ENO3: variants seen among roughly 807,000 people sequenced by gnomAD.
ENO3 encodes beta-enolase.
Under a neutral mutation model 47.7 loss-of-function variants are expected in ENO3, and 46 were observed. That is an observed-to-expected ratio of 0.96 (90% CI 0.76 to 1.23). ENO3 has a LOEUF of 1.23. Ranked by LOEUF, ENO3 falls within the 50% of genes most tolerant of loss-of-function variation. ENO3 has a pLI of 0.00. For missense variants in ENO3, 575 were observed against 566.2 expected, an observed-to-expected ratio of 1.02 and a Z score of -0.16; for synonymous variants, 223 against 225.9, an observed-to-expected ratio of 0.99 and a Z score of 0.11.
rs762814066 is a variant in ENO3, at chr17:4,955,158, C to G, written c.528C>G (p.Ser176Arg). Residue 176 changes from serine (S) to arginine (R), a missense_variant, in exon 7 of 12, where the codon AGC becomes AGG. Coordinates refer to ENST00000519602, the MANE Select transcript of ENO3 (RefSeq NM_053013.4). ...TCATGATTCTGCCTGTGGGAGCCAG[C>G]TCCTTCAAGGAAGCCATGCGCATTG... ...QEFMILPVGA[S>R]SFKEAMRIGA... 3 of 1,614,274 alleles carry G rather than the reference C, an allele frequency of 1.9e-6. No individual in the cohort carries two copies. The highest frequency in any genetic ancestry group is 2.5e-6 in the Non-Finnish European group (3 of 1,180,052).
intron 2 of ENO3, 76 bp downstream of exon 2, chr17:4,951,990 A>G (rs753765810): frequency 6.7e-7 from 1 of 1,491,190 alleles, no homozygotes; most frequent in South Asian, 1.1e-5. Context: ...GTTCTGTGCC[A>G]TATCCTCTCC....
chr17:4,954,008 CA>C, intron 6 of ENO3, 163 bp downstream of exon 6: 1 of 1,115,370 alleles, frequency 9.0e-7, no homozygotes, highest in East Asian at 2.6e-5. Flanking sequence ...CCCTCTCTTC[CA>C]CAATCCAAAC....
Position 4,953,079 on chromosome 17 carries a change from C to G in ENO3, c.210C>G (p.Asn70Lys), listed in dbSNP as rs961179627. ...TCCTGAAGGCTGTGGAGAACATCAA[C>G]AATACTCTGGGCCCTGCTCTGCTGC... is the stretch of plus-strand genomic sequence containing the variant. Reference protein sequence around the residue: ...KGVLKAVENINNTLGPALLQK... With the variant: ...KGVLKAVENIKNTLGPALLQK... The change falls in exon 4 of 12, where the codon AAC becomes AAG. Residue 70 changes from asparagine to lysine, a missense_variant. Transcript: ENST00000519602. The G allele has an allele frequency of 1.2e-6, 2 of 1,614,104 alleles. No homozygotes were observed. Among genetic ancestry groups the G allele is most frequent in the Non-Finnish European group, 1.7e-6 (2 of 1,180,052 alleles).
In ENO3 at chr17:4,951,850, T is replaced by C. The variant is rs750708870; in HGVS notation, c.21T>C (p.Phe7=). The C allele has an allele frequency of 6.2e-7, 1 of 1,614,140 alleles. No homozygotes were observed. Among genetic ancestry groups the C allele is most frequent in the Non-Finnish European group, 8.5e-7 (1 of 1,179,988 alleles). The change falls in exon 2 of 12, where the codon TTT becomes TTC. Residue 7 remains phenylalanine (F), a synonymous_variant. Coordinates refer to ENST00000519602, the MANE Select transcript of ENO3 (RefSeq NM_053013.4). MAMQKI[F]AREILDSRGN... ...CAGCCATGGCCATGCAGAAAATCTTTGCCCGGGAAATCTTGGACTCCAGGG... is the reference window on the plus strand; with the variant it reads ...CAGCCATGGCCATGCAGAAAATCTTCGCCCGGGAAATCTTGGACTCCAGGG...
intron 5 of ENO3, 110 bp from the exon 6 acceptor site, chr17:4,953,602 G>A: frequency 6.3e-7 from 1 of 1,594,772 alleles, no homozygotes; most frequent in Non-Finnish European, 8.6e-7. Context: ...GGAGAGATCT[G>A]TTAACCAATT....
At chr17:4,955,755 C>T in intron 8 of ENO3, 151 bp downstream of exon 8, 1 of 1,334,580 alleles carries the variant, frequency 7.5e-7, no homozygotes, top group Non-Finnish European at 1.1e-6. Flanking sequence ...CCCTGTCACC[C>T]CTCCATGAGG....
rs374679936 is a variant in ENO3, at chr17:4,956,144, G to A, written c.1067+1G>A. 3.2e-5 allele frequency: 51 copies of A among 1,613,524 alleles called. No individual in the cohort carries two copies. The Admixed American group carries it at 3.3e-4, about 11-fold the overall frequency. The stretch of plus-strand genomic sequence containing the variant: ...GCTCGGTGACCGAATCGATCCAGGC[G>A]TGAGTGCCTCCTGACCCTGAGGCTC... On this transcript the variant is annotated splice_donor_variant, in intron 9 of 11. Coordinates refer to ENST00000519602, the MANE Select transcript of ENO3 (RefSeq NM_053013.4). LOFTEE classifies it high-confidence loss of function.
In ENO3 at chr17:4,956,600, G is replaced by C; in HGVS notation, c.1095G>C (p.Trp365Cys). 1 of 1,614,192 alleles carries C rather than the reference G, an allele frequency of 6.2e-7. No individual in the cohort carries two copies. Among genetic ancestry groups the C allele is most frequent in the Non-Finnish European group, 8.5e-7 (1 of 1,180,042 alleles). Reference sequence around the variant, plus strand: ...GCAAACTGGCTCAGTCTAATGGCTGGGGGGTGATGGTGAGCCACCGCTCTG... The same window carrying C: ...GCAAACTGGCTCAGTCTAATGGCTGCGGGGTGATGGTGAGCCACCGCTCTG... Reference protein sequence around the residue: ...QACKLAQSNGWGVMVSHRSGE... With the variant: ...QACKLAQSNGCGVMVSHRSGE... The change falls in exon 10 of 12, where the codon TGG becomes TGC. Residue 365 changes from tryptophan to cysteine, a missense_variant. Coordinates refer to ENST00000519602, the MANE Select transcript of ENO3 (RefSeq NM_053013.4).
chr17:4,953,575 G>T, intron 5 of ENO3, 137 bp from the exon 6 acceptor site: 1 of 1,541,574 alleles, frequency 6.5e-7, no homozygotes, highest in Non-Finnish European at 8.9e-7. Context: ...GGTTCCCAGG[G>T]CTACTCAGGC....
chr17:4,956,292 T>A, intron 9 of ENO3, 149 bp downstream of exon 9: 1 of 1,028,416 alleles, frequency 9.7e-7, no homozygotes, highest in Non-Finnish European at 1.5e-6. Flanking sequence ...TTTGTTTGAC[T>A]AATCCTTGGC....
intron 1 of ENO3, 93 bp downstream of exon 1, chr17:4,951,275 C>T (rs1192815848): frequency 2.0e-5 from 20 of 1,007,420 alleles, no homozygotes; most frequent in Non-Finnish European, 2.3e-5. Flanking sequence ...TGCTTTTTTT[C>T]CTCCTGGGAC....
Position 4,952,876 on chromosome 17 carries a change from G to T in ENO3, c.167G>T (p.Arg56Leu). 6.2e-7 allele frequency: 1 copy of T among 1,612,252 alleles called. No individual in the cohort carries two copies. The highest frequency in any genetic ancestry group is 1.1e-5 in the South Asian group (1 of 90,712). ...ALELRDGDKG[R>L]YLGKGVLKAV... ...GAACTAAGAGACGGAGACAAAGGCCGCTACCTGGGGAAAGGTGAGGAGACA... is the reference window on the plus strand; with the variant it reads ...GAACTAAGAGACGGAGACAAAGGCCTCTACCTGGGGAAAGGTGAGGAGACA... The change falls in exon 3 of 12, where the codon CGC (arginine) becomes CTC (leucine). Residue 56 changes from arginine to leucine, a missense_variant. Physicochemically the swap from Arg to Leu is moderately radical, Grantham distance 102. Transcript: ENST00000519602.
rs201008354 is a variant in ENO3, at chr17:4,953,856, C to T, written c.444+11C>T. ...ATACTCCCAGTGCCAGTGAGTGCAG[C>T]TACCCGCCCTTCCCAGATCTCGCCT... On this transcript the variant is annotated intron_variant, in intron 6 of 11. Transcript: ENST00000519602. The T allele has an allele frequency of 2.5e-6, 4 of 1,613,992 alleles. No homozygotes were observed. In the African/African-American group the frequency reaches 4.0e-5, roughly 16 times the overall value.
At chr17:4,955,668 T>A in intron 8 of ENO3, 64 bp downstream of exon 8, 1 of 1,601,004 alleles carries the variant, frequency 6.2e-7, no homozygotes, top group Non-Finnish European at 8.6e-7. Context: ...ATATACTGAT[T>A]TCAGTGACCT....
chr17:4,949,716 G>C (rs1202733282), upstream of ENO3, among the ~76,000 whole-genome samples: 1 of 152,158 alleles, frequency 6.6e-6, no homozygotes, highest in Non-Finnish European at 1.5e-5. Context: ...AGGGGCAAGG[G>C]GTCACCGAGC....
Position 4,956,878 on chromosome 17 carries a change from C to A in ENO3, c.1224C>A (p.Asn408Lys). The A allele has an allele frequency of 6.2e-7, 1 of 1,614,220 alleles. No homozygotes were observed. Among genetic ancestry groups the A allele is most frequent in the Non-Finnish European group, 8.5e-7 (1 of 1,180,042 alleles). Residue 408 changes from asparagine to lysine, a missense_variant, in exon 11 of 12, where the codon AAC becomes AAA. Coordinates refer to ENST00000519602, the MANE Select transcript of ENO3 (RefSeq NM_053013.4). Reference sequence around the variant, plus strand: ...GCTCGGAGCGTCTGGCCAAATACAACCAACTCATGAGGTACAGCGGGAACA... The same window carrying A: ...GCTCGGAGCGTCTGGCCAAATACAAACAACTCATGAGGTACAGCGGGAACA... ...PCRSERLAKYNQLMRIEEALG... is the reference protein window; with the variant it reads ...PCRSERLAKYKQLMRIEEALG...
intron 6 of ENO3, 52 bp downstream of exon 6, chr17:4,953,897 C>T (rs770178576): frequency 5.6e-5 from 91 of 1,613,138 alleles, no homozygotes; most frequent in Admixed American, 2.7e-4. Flanking sequence ...GAGCCAACCC[C>T]GCCCAGCCAG....
intron 2 of ENO3, 40 bp from the exon 3 acceptor site, chr17:4,952,755 C>T (rs1971581143): frequency 6.3e-7 from 1 of 1,576,638 alleles, no homozygotes; most frequent in Non-Finnish European, 8.6e-7. Flanking sequence ...GGCCACCGCG[C>T]CCAGCCATCC....
In ENO3 at chr17:4,952,875, C is replaced by T. The variant is rs139073445; in HGVS notation, c.166C>T (p.Arg56Cys). ...GGAACTAAGAGACGGAGACAAAGGC[C>T]GCTACCTGGGGAAAGGTGAGGAGAC... ...ALELRDGDKG[R>C]YLGKGVLKAV... The change falls in exon 3 of 12, where the codon CGC (arginine) becomes TGC (cysteine). Residue 56 changes from arginine (R) to cysteine (C), a missense_variant. Coordinates refer to ENST00000519602, the MANE Select transcript of ENO3 (RefSeq NM_053013.4). 110 of 1,612,282 alleles carry T rather than the reference C, an allele frequency of 6.8e-5. No individual in the cohort carries two copies. Among genetic ancestry groups the T allele is most frequent in the East Asian group, 1.1e-4 (5 of 44,884 alleles).
Sources: allele counts gnomAD v4.1 joint callset (sites outside exome capture counted in the v4.1 genomes callset), GRCh38; gene constraint gnomAD v4.1.1; transcripts MANE v1.5; gene names NCBI Gene and HGNC (gene_info 2026-07-23, HGNC 2026-07-21).